The following TAFA2 variants were observed in gnomAD, a reference collection of about 807,000 sequenced individuals.
TAFA2 encodes chemokine-like protein TAFA-2.
A neutral mutation model predicts 18.8 loss-of-function variants in TAFA2; 7 were observed. The observed-to-expected ratio is 0.37, with a 90% confidence interval of 0.21 to 0.70. The LOEUF (loss-of-function observed/expected upper bound fraction) is 0.70. Among genes scored for constraint, TAFA2 ranks in the 30% least tolerant of loss-of-function variants. TAFA2 has a pLI of 0.53. For synonymous variants in TAFA2, 60 were observed against 54.2 expected, an observed-to-expected ratio of 1.11 and a Z score of -0.47; for missense variants, 122 against 158.1, an observed-to-expected ratio of 0.77 and a Z score of 1.23.
intron 1 of TAFA2, among the ~76,000 whole-genome samples, chr12:61,965,157 G>T (rs1879025285): frequency 6.6e-6 from 1 of 151,816 alleles, no homozygotes; most frequent in Admixed American, 6.6e-5. Flanking sequence ...TTAGAAGGTG[G>T]GGGCCTTTGA....
At chr12:61,929,558 G>T (rs561137762) in intron 1 of TAFA2, among the ~76,000 whole-genome samples, 88 of 152,182 alleles carry the variant, frequency 5.8e-4, no homozygotes, top group Admixed American at 9.8e-4. Flanking sequence ...CTGTTGGTGG[G>T]ACTGTAAACT....
intron 4 of TAFA2, among the ~76,000 whole-genome samples, chr12:61,743,525 C>A (rs1868554870): frequency 6.6e-6 from 1 of 152,054 alleles, no homozygotes; most frequent in South Asian, 2.1e-4. Flanking sequence ...TTTTCTTCTA[C>A]CCCATTAAAA....
intron 4 of TAFA2, among the ~76,000 whole-genome samples, chr12:61,728,269 TG>T (rs1870268714): frequency 6.6e-6 from 1 of 152,070 alleles, no homozygotes; most frequent in South Asian, 2.1e-4. Context: ...TTAAGTCCAT[TG>T]TTTTTTTGTT....
At position 62,223,913 on chromosome 12, in the gene TAFA2, T is replaced by C. The variant is rs146958353; in HGVS notation, c.-130+34850A>G. 2.6e-5 allele frequency among the ~76,000 whole-genome samples: 4 copies of C among 152,312 alleles called. No individual in the cohort carries two copies. In the South Asian group the frequency reaches 8.3e-4, roughly 32 times the overall value. On this transcript the variant is annotated intron_variant, in intron 1 of 5. Coordinates refer to the TAFA2 transcript ENST00000551619. ...ATAAAAGAAACATATAATTACCATA[T>C]GATCCAGCAATTCTATTTCTGAGTA...
chr12:61,847,578 C>A (rs1873459740), intron 2 of TAFA2, among the ~76,000 whole-genome samples: 1 of 152,094 alleles, frequency 6.6e-6, no homozygotes, highest in Non-Finnish European at 1.5e-5. Flanking sequence ...TGCATGTCAA[C>A]ATGATTAACC....
intron 2 of TAFA2, among the ~76,000 whole-genome samples, chr12:61,756,345 T>C (rs1419097584): frequency 6.6e-6 from 1 of 152,108 alleles, no homozygotes; most frequent in Non-Finnish European, 1.5e-5. Context: ...AATCTATCTC[T>C]ATGAAAGCAA....
intron 1 of TAFA2, among the ~76,000 whole-genome samples, chr12:61,912,181 C>A (rs1263177083): frequency 6.6e-6 from 1 of 152,114 alleles, no homozygotes; most frequent in African/African-American, 2.4e-5. Flanking sequence ...TAATGTGACC[C>A]AGCTAATAAG....
In TAFA2 at chr12:61,756,228, A is replaced by G. The variant is rs539833414; in HGVS notation, c.107-1204T>C. The stretch of plus-strand genomic sequence containing the variant: ...TGTGAGACCAAGAAACTCAAGTGTA[A>G]CATACAGCTTTGACATATAATCCTC... On this transcript the variant is annotated intron_variant, in intron 2 of 4. Coordinates refer to ENST00000416284, the MANE Select transcript of TAFA2 (RefSeq NM_178539.5). Among the ~76,000 whole-genome samples the G allele has an allele frequency of 2.0e-5, 3 of 152,242 alleles. No individual in the cohort carries two copies. In the East Asian group the frequency reaches 5.8e-4, roughly 30 times the overall value.
chr12:61,789,319 A>C (rs1188001891), intron 2 of TAFA2, among the ~76,000 whole-genome samples: 2 of 151,942 alleles, frequency 1.3e-5, no homozygotes, highest in East Asian at 3.9e-4. Context: ...TAATTTTTGT[A>C]TAAGGCACAA....
In TAFA2 at chr12:62,115,237, C is replaced by A. The variant is rs528178407; in HGVS notation, c.-2+76022G>T. Among the ~76,000 whole-genome samples the A allele has an allele frequency of 2.8e-4, 42 of 152,234 alleles. 1 individual carries two copies. The East Asian group carries it at 3.9e-3, about 14-fold the overall frequency. ...AACTGAAAACACCAAAATTTGCACC[C>A]TTTGCACCAAAATTGTGTATGTCTC... On this transcript the variant is annotated intron_variant, in intron 1 of 4. Transcript: ENST00000416284.
At chr12:62,033,771 G>A (rs900504056) in intron 1 of TAFA2, among the ~76,000 whole-genome samples, 6 of 151,854 alleles carry the variant, frequency 4.0e-5, no homozygotes, top group South Asian at 4.1e-4. Context: ...CTACAGAATC[G>A]CTGGTTTAAA....
chr12:61,742,794 T>G (rs532972021), intron 4 of TAFA2, among the ~76,000 whole-genome samples: 1 of 152,062 alleles, frequency 6.6e-6, no homozygotes, highest in African/African-American at 2.4e-5. Context: ...TGAGTCTGAA[T>G]TTTTCCTTTC....
intron 1 of TAFA2, among the ~76,000 whole-genome samples, chr12:61,910,100 TTGTG>T (rs71083963): frequency 0.031 from 4,555 of 144,808 alleles, 120 homozygotes; most frequent in African/African-American, 0.08. Context: ...GTGTGTGTGT[TTGTG>T]TGTGTGTGTG....
At chr12:61,973,623 A>AT (rs555407501) in intron 1 of TAFA2, among the ~76,000 whole-genome samples, 3 of 151,692 alleles carry the variant, frequency 2.0e-5, no homozygotes, top group South Asian at 2.1e-4. Flanking sequence ...AGACCTTGTT[A>AT]TTTTTTTGAA....
rs150518767 is a variant in TAFA2, at chr12:62,160,407, G to A, written c.-2+30852C>T. On this transcript the variant is annotated intron_variant, in intron 1 of 4. Coordinates refer to ENST00000416284, the MANE Select transcript of TAFA2 (RefSeq NM_178539.5). ...CTTCTTTGAGCTCTCAGATCATTTC[G>A]TTCATACTTCTATTAAAGGCCTTGG... 3.8e-3 allele frequency among the ~76,000 whole-genome samples: 576 copies of A among 152,230 alleles called. 3 individuals are homozygous for A. The highest frequency in any genetic ancestry group is 0.01 in the South Asian group (49 of 4,826).
chr12:61,815,811 T>C (rs982103591), intron 2 of TAFA2, among the ~76,000 whole-genome samples: 49 of 151,392 alleles, frequency 3.2e-4, no homozygotes, highest in Admixed American at 2.4e-3. Context: ...ATTTTTTCTC[T>C]ATGCACTAAA....
chr12:62,130,677 A>C (rs1870646435), intron 1 of TAFA2, among the ~76,000 whole-genome samples: 1 of 151,976 alleles, frequency 6.6e-6, no homozygotes, highest in South Asian at 2.1e-4. Flanking sequence ...GTATTTCCAC[A>C]CATAGATCTA....
upstream of TAFA2, among the ~76,000 whole-genome samples, chr12:62,196,592 T>G (rs563504229): frequency 1.1e-3 from 161 of 152,262 alleles, no homozygotes; most frequent in Non-Finnish European, 1.8e-3. Flanking sequence ...AGCCAGTTGG[T>G]GAAACAGTCA....
At chr12:62,180,474 T>C (rs1033257866) in intron 1 of TAFA2, among the ~76,000 whole-genome samples, 2 of 152,214 alleles carry the variant, frequency 1.3e-5, no homozygotes, top group Non-Finnish European at 2.9e-5. Flanking sequence ...AATGCTAATA[T>C]ATACAGTTAT....
Sources: gnomAD v4.1 joint callset for allele counts (sites outside exome capture counted in the v4.1 genomes callset) on GRCh38, gnomAD v4.1.1 for gene constraint, MANE v1.5 for transcripts, NCBI Gene and HGNC (gene_info 2026-07-23, HGNC 2026-07-21) for gene names.